The following PLD5 variants were observed in gnomAD, a reference collection of about 807,000 sequenced individuals.
The protein encoded by PLD5 is phospholipase D family member 5, also known as inactive phospholipase D5.
In PLD5, 36 loss-of-function variants were observed where a neutral mutation model predicts 61.1. That is an observed-to-expected ratio of 0.59 (90% CI 0.45 to 0.78). The LOEUF is 0.78. PLD5 is among the 30% of genes least tolerant of loss of function. The probability of loss-of-function intolerance (pLI) is 0.00; values close to 1 mark genes in which losing one functional copy is unlikely to be tolerated. For synonymous variants in PLD5, 243 were observed against 242.8 expected (o/e 1.00, Z -0.01); for missense variants, 515 against 644.4 (o/e 0.80, Z 2.17).
At chr1:242,208,237 C>T (rs1262843515) in intron 5 of PLD5, among the ~76,000 whole-genome samples, 1 of 151,846 alleles carries the variant, frequency 6.6e-6, no homozygotes, top group African/African-American at 2.4e-5. Context: ...GGTGAGCTCA[C>T]CCCGCTCACT....
intron 1 of PLD5, among the ~76,000 whole-genome samples, chr1:242,512,169 TG>T (rs764245108): frequency 4.6e-5 from 7 of 151,308 alleles, no homozygotes; most frequent in Non-Finnish European, 8.8e-5. Flanking sequence ...CCCAGCACTT[TG>T]GGAGGCCAAG....
intron 1 of PLD5, among the ~76,000 whole-genome samples, chr1:242,477,670 T>C (rs1357585722): frequency 1.3e-5 from 2 of 152,056 alleles, no homozygotes; most frequent in Non-Finnish European, 2.9e-5. Context: ...TGAGCAACAG[T>C]GTGAACCCAG....
At chr1:242,159,688 A>T (rs116761282) in intron 5 of PLD5, among the ~76,000 whole-genome samples, 1 of 151,960 alleles carries the variant, frequency 6.6e-6, no homozygotes, top group Non-Finnish European at 1.5e-5. Flanking sequence ...CCCAGCTTCA[A>T]TGGGTTTCTA....
chr1:242,167,076 TAGTAA>T (rs1424021453), intron 5 of PLD5, among the ~76,000 whole-genome samples: 5 of 77,382 alleles, frequency 6.5e-5, no homozygotes, highest in African/African-American at 3.0e-4. Context: ...ACAATAATAA[TAGTAA>T]TAATAATAAT....
chr1:242,325,615 A>T (rs1574736566), intron 2 of PLD5, among the ~76,000 whole-genome samples: 1 of 151,656 alleles, frequency 6.6e-6, no homozygotes, highest in African/African-American at 2.4e-5. Flanking sequence ...GTTTTTTTTT[A>T]AATTGAATTT....
At chr1:242,420,972 G>C (rs1258634618) in intron 1 of PLD5, among the ~76,000 whole-genome samples, 1 of 152,084 alleles carries the variant, frequency 6.6e-6, no homozygotes, top group Admixed American at 6.6e-5. Flanking sequence ...ACGAGGTCAA[G>C]AGATCGAGTC....
At chr1:242,171,832 A>T (rs540585449) in intron 5 of PLD5, among the ~76,000 whole-genome samples, 14 of 152,340 alleles carry the variant, frequency 9.2e-5, no homozygotes, top group Middle Eastern at 3.4e-3. Context: ...GATCAGTGCA[A>T]CAAGAAGAGC....
intron 1 of PLD5, among the ~76,000 whole-genome samples, chr1:242,429,474 A>G (rs553420484): frequency 1.3e-5 from 2 of 152,168 alleles, no homozygotes; most frequent in South Asian, 4.1e-4. Context: ...CTCGAACTCC[A>G]GGCCTTAAGT....
intron 1 of PLD5, among the ~76,000 whole-genome samples, chr1:242,450,559 T>G (rs2102923007): frequency 6.6e-6 from 1 of 152,292 alleles, no homozygotes; most frequent in African/African-American, 2.4e-5. Context: ...TCACATCTTC[T>G]TGTATGGTTA....
chr1:242,498,126 G>A (rs902163882), intron 1 of PLD5, among the ~76,000 whole-genome samples: 4 of 152,032 alleles, frequency 2.6e-5, no homozygotes, highest in Non-Finnish European at 5.9e-5. Flanking sequence ...CACCATGCCA[G>A]GCTAATTTTT....
chr1:242,342,173 G>A (rs1659871991), intron 2 of PLD5, among the ~76,000 whole-genome samples: 1 of 152,220 alleles, frequency 6.6e-6, no homozygotes, highest in Non-Finnish European at 1.5e-5. Flanking sequence ...CTGGTTCTGT[G>A]TGTATTTATC....
chr1:242,402,925 T>C (rs1360360430), intron 1 of PLD5, among the ~76,000 whole-genome samples: 1 of 152,178 alleles, frequency 6.6e-6, no homozygotes, highest in Non-Finnish European at 1.5e-5. Context: ...ACTGCAGCAA[T>C]AAATCACACA....
intron 1 of PLD5, among the ~76,000 whole-genome samples, chr1:242,460,329 T>C (rs1667079155): frequency 6.6e-6 from 1 of 152,150 alleles, no homozygotes; most frequent in African/African-American, 2.4e-5. Context: ...GTGACCCCCC[T>C]GGACCCAGCT....
chr1:242,175,880 G>T (rs994442948), intron 5 of PLD5, among the ~76,000 whole-genome samples: 2 of 151,998 alleles, frequency 1.3e-5, no homozygotes, highest in Non-Finnish European at 2.9e-5. Flanking sequence ...CTTACCAAGG[G>T]GTGTAAAGGA....
chr1:242,299,493 T>G (rs1253491238), intron 2 of PLD5, among the ~76,000 whole-genome samples: 1 of 152,248 alleles, frequency 6.6e-6, no homozygotes, highest in Admixed American at 6.5e-5. Flanking sequence ...TAGTGAGTGA[T>G]GAAGCCCAGA....
chr1:242,333,346 A>AAAT (rs57416191), intron 2 of PLD5, among the ~76,000 whole-genome samples: 2,958 of 152,286 alleles, frequency 0.019, 97 homozygotes, highest in African/African-American at 0.067. Context: ...AAGGCTTGCA[A>AAAT]AATTCAGAAA....
At chr1:242,169,870 AC>A (rs1666614051) in intron 5 of PLD5, among the ~76,000 whole-genome samples, 2 of 152,334 alleles carry the variant, frequency 1.3e-5, no homozygotes, top group African/African-American at 4.8e-5. Flanking sequence ...CTATGGCCAG[AC>A]TGCCTTTCTA....
chr1:242,402,890 CAG>C (rs1664018738), intron 1 of PLD5, among the ~76,000 whole-genome samples: 2 of 152,134 alleles, frequency 1.3e-5, no homozygotes, highest in Admixed American at 1.3e-4. Flanking sequence ...GAACCAAAAA[CAG>C]TGCTAGAAGC....
intron 4 of PLD5, among the ~76,000 whole-genome samples, chr1:242,227,224 A>AT (rs911480277): frequency 2.0e-5 from 3 of 151,136 alleles, no homozygotes; most frequent in Admixed American, 2.0e-4. Flanking sequence ...TTTGATTTTT[A>AT]TTTTTTTTTA....
Sources: allele counts gnomAD v4.1 joint callset (sites outside exome capture counted in the v4.1 genomes callset), GRCh38; gene constraint gnomAD v4.1.1; transcripts MANE v1.5; gene names NCBI Gene and HGNC (gene_info 2026-07-23, HGNC 2026-07-21).